TOGARAM2: variants seen among roughly 807,000 people sequenced by gnomAD.
TOGARAM2 encodes TOG array regulator of axonemal microtubules 2.
In TOGARAM2, 85 loss-of-function variants were observed where a neutral mutation model predicts 93.3. The ratio of observed to expected loss-of-function variants is 0.91; its 90% CI spans 0.76 to 1.09. TOGARAM2 has a LOEUF of 1.09. TOGARAM2 is among the 50% of genes least tolerant of loss of function. The probability of loss-of-function intolerance (pLI) is 0.00; values close to 1 mark genes in which losing one functional copy is unlikely to be tolerated. For synonymous variants in TOGARAM2, 593 were observed against 552.8 expected, an observed-to-expected ratio of 1.07 and a Z score of -1.02; for missense variants, 1,277 against 1,334.5, an observed-to-expected ratio of 0.96 and a Z score of 0.67.
rs562669891 is a variant in TOGARAM2 at position 29,015,353 on chromosome 2, C to G, written c.1044+792C>G. ...GCCTTGGCATTCTAAAGTGTGTCCC[C>G]CCACCATGGTCTCAATTTCAAGCAT... On this transcript the variant is annotated intron_variant, in intron 8 of 19. Coordinates refer to ENST00000379558, the MANE Select transcript of TOGARAM2 (RefSeq NM_199280.4). Among the ~76,000 whole-genome samples the G allele has an allele frequency of 7.2e-5, 11 of 152,268 alleles. No homozygotes were observed. In the South Asian group the frequency reaches 2.3e-3, roughly 32 times the overall value.
chr2:29,047,887 G>A (rs1666836738), intron 19 of TOGARAM2: 1 of 151,646 alleles, frequency 6.6e-6, no homozygotes, highest in Admixed American at 6.6e-5. Flanking sequence ...AGGAGGCTCT[G>A]TTGGGGGGCA....
Position 29,022,177 on chromosome 2 carries a change from G to A in TOGARAM2, c.1380G>A (p.Val460=). 6.2e-7 allele frequency: 1 copy of A among 1,614,036 alleles called. No individual in the cohort carries two copies. The highest frequency in any genetic ancestry group is 8.5e-7 in the Non-Finnish European group (1 of 1,179,892). The change falls in exon 11 of 20, where the codon GTG becomes GTA. Residue 460 remains valine (V), a synonymous_variant. Coordinates refer to ENST00000379558, the MANE Select transcript of TOGARAM2 (RefSeq NM_199280.4). The part of the protein sequence containing the change: ...RHASANSLPA[V]LTLGSPEWEE... ...ATGCAGCTAACTCATTACCTGCGGTGCTCACGTTGGGGTCTCCTGAATGGG... is the reference window on the plus strand; with the variant it reads ...ATGCAGCTAACTCATTACCTGCGGTACTCACGTTGGGGTCTCCTGAATGGG...
chr2:29,006,205 ATG>A (rs1034210369), intron 6 of TOGARAM2, among the ~76,000 whole-genome samples: 4 of 130,172 alleles, frequency 3.1e-5, no homozygotes, highest in South Asian at 2.5e-4. Flanking sequence ...GTGTGAGTGC[ATG>A]TGTTTGTGTG....
At chr2:29,033,981 G>A (rs1335595769) in intron 16 of TOGARAM2, among the ~76,000 whole-genome samples, 1 of 152,138 alleles carries the variant, frequency 6.6e-6, no homozygotes, top group Non-Finnish European at 1.5e-5. Flanking sequence ...GAGGGGCTGG[G>A]AGGAGGGGGT....
chr2:29,002,272 G>A (rs532208750), intron 4 of TOGARAM2, among the ~76,000 whole-genome samples: 2 of 152,286 alleles, frequency 1.3e-5, no homozygotes, highest in South Asian at 2.1e-4. Flanking sequence ...TCCTGATCTG[G>A]CACTGCTTTT....
At chr2:28,973,993 T>G (rs1262282318) in intron 1 of TOGARAM2, among the ~76,000 whole-genome samples, 1 of 152,250 alleles carries the variant, frequency 6.6e-6, no homozygotes, top group Non-Finnish European at 1.5e-5. Context: ...TTCTCTTGGT[T>G]GTCCATGCTT....
chr2:28,984,898 G>A (rs970013791), intron 1 of TOGARAM2, among the ~76,000 whole-genome samples: 5 of 152,190 alleles, frequency 3.3e-5, no homozygotes, highest in Non-Finnish European at 1.5e-5. Flanking sequence ...AGGCCTTGAT[G>A]GGAAGCTGGA....
At position 29,011,447 on chromosome 2, in the gene TOGARAM2, C is replaced by T. The variant is rs1480032093; in HGVS notation, c.831-8C>T. The T allele has an allele frequency of 1.2e-6, 2 of 1,611,088 alleles. No homozygotes were observed. Among genetic ancestry groups the T allele is most frequent in the South Asian group, 2.2e-5 (2 of 90,660 alleles). ...TCATGATGCTTTTCTCTCCCCCGTT[C>T]TTTTAAGATTGGCTCGGGGGAGTGG... On this transcript the variant is annotated splice_region_variant and splice_polypyrimidine_tract_variant and intron_variant, in intron 6 of 19. Transcript: ENST00000379558.
intron 19 of TOGARAM2, chr2:29,045,988 G>A: frequency 6.2e-6 from 1 of 161,324 alleles, no homozygotes; most frequent in Non-Finnish European, 1.4e-5. Flanking sequence ...CATATGGCTT[G>A]GTCAGTTGAC....
chr2:29,003,811 C>A, intron 6 of TOGARAM2, 129 bp downstream of exon 6: 1 of 904,560 alleles, frequency 1.1e-6, no homozygotes, highest in Non-Finnish European at 1.6e-6. Flanking sequence ...AGGGAAAGGG[C>A]TGGGGGCTCC....
Position 29,033,554 on chromosome 2 carries a change from T to C in TOGARAM2, c.2216T>C (p.Ile739Thr), listed in dbSNP as rs115336346. The C allele has an allele frequency of 5.2e-3, 8,314 of 1,613,266 alleles. 388 individuals are homozygous for C. The African/African-American group carries it at 0.099, about 19-fold the overall frequency. The change falls in exon 16 of 20, where the codon ATC becomes ACC. Residue 739 changes from isoleucine (I) to threonine (T), a missense_variant. Transcript: ENST00000379558. ...SLVVCENGLP[I>T]KEGLSCNGPR... is the part of the protein sequence containing the mutation. The stretch of plus-strand genomic sequence containing the variant: ...GTGGTGTGTGAGAACGGGCTGCCCA[T>C]CAAGGAGGGGTATGGCTGCTCCTGT...
intron 1 of TOGARAM2, among the ~76,000 whole-genome samples, chr2:28,988,280 C>T (rs184272914): frequency 8.5e-5 from 13 of 152,316 alleles, no homozygotes; most frequent in Admixed American, 7.2e-4. Context: ...AATATGTCTC[C>T]GTGACTGTTC....
At chr2:29,028,355 CTG>C (rs1665540941) in intron 14 of TOGARAM2, among the ~76,000 whole-genome samples, 1 of 152,192 alleles carries the variant, frequency 6.6e-6, no homozygotes, top group Admixed American at 6.5e-5. Flanking sequence ...CTGCTGCAAA[CTG>C]TGCTGCATGG....
intron 13 of TOGARAM2, 80 bp downstream of exon 13, chr2:29,024,454 AGGAGGGAAGGGTGCAGGGAG>A: frequency 1.9e-6 from 1 of 538,190 alleles, no homozygotes; most frequent in Non-Finnish European, 3.3e-6. Flanking sequence ...ATGTGAAAGA[AGGAGGGAAGGGTGCAGGGAG>A]GGAGGGAGGG....
intron 18 of TOGARAM2, among the ~76,000 whole-genome samples, chr2:29,039,905 G>A (rs180897232): frequency 4.6e-5 from 7 of 152,304 alleles, no homozygotes; most frequent in African/African-American, 1.4e-4. Context: ...ATCCCCTCCC[G>A]ATCAGACCTC....
At chr2:29,045,445 T>C in intron 19 of TOGARAM2, 35 bp downstream of exon 19, 1 of 1,355,050 alleles carries the variant, frequency 7.4e-7, no homozygotes, top group Non-Finnish European at 1.0e-6. Flanking sequence ...CCCCATCTCC[T>C]GGCAGATTTC....
chr2:29,001,938 G>A (rs780835872), intron 4 of TOGARAM2, among the ~76,000 whole-genome samples: 1 of 151,294 alleles, frequency 6.6e-6, no homozygotes, highest in Non-Finnish European at 1.5e-5. Context: ...TTCTTGCCCT[G>A]TGCCTTTGCC....
At chr2:29,030,987 T>TA (rs1250324968) in intron 14 of TOGARAM2, among the ~76,000 whole-genome samples, 1 of 152,206 alleles carries the variant, frequency 6.6e-6, no homozygotes, top group Non-Finnish European at 1.5e-5. Context: ...AAGTGACTGT[T>TA]ATTTACTGAG....
intron 1 of TOGARAM2, among the ~76,000 whole-genome samples, chr2:28,962,948 G>T (rs1671820593): frequency 6.6e-6 from 1 of 151,554 alleles, no homozygotes; most frequent in South Asian, 2.1e-4. Flanking sequence ...TTAGCCTCCT[G>T]AGTAGCTGAG....
Sources: allele counts gnomAD v4.1 joint callset (sites outside exome capture counted in the v4.1 genomes callset), GRCh38; gene constraint gnomAD v4.1.1; transcripts MANE v1.5; gene names NCBI Gene and HGNC (gene_info 2026-07-23, HGNC 2026-07-21).